Variants in EIF4G3 observed in about 807,000 individuals in gnomAD.
The protein encoded by EIF4G3 is eIF-4-gamma 3.
In EIF4G3, 34 loss-of-function variants were observed where a neutral mutation model predicts 186.4. The observed-to-expected ratio is 0.18, with a 90% CI of 0.14 to 0.24. The LOEUF (loss-of-function observed/expected upper bound fraction) is 0.24, where lower values mean the gene tolerates loss of function less well. Ranked by LOEUF, EIF4G3 falls within the 10% of genes least tolerant of loss-of-function variation. EIF4G3 has a pLI of 1.00. For synonymous variants in EIF4G3, 673 were observed against 679.5 expected, an observed-to-expected ratio of 0.99 and a Z score of 0.15; for missense variants, 1,536 against 1,948.5, an observed-to-expected ratio of 0.79 and a Z score of 3.99.
At chr1:21,025,910 A>T (rs192294643) in intron 4 of EIF4G3, among the ~76,000 whole-genome samples, 4 of 152,192 alleles carry the variant, frequency 2.6e-5, no homozygotes, top group African/African-American at 9.7e-5. Context: ...TAAAAACCCA[A>T]TAACAAAAAA....
At chr1:20,975,344 G>A (rs1379765592) in intron 10 of EIF4G3, among the ~76,000 whole-genome samples, 1 of 145,380 alleles carries the variant, frequency 6.9e-6, no homozygotes, top group African/African-American at 2.6e-5. Flanking sequence ...TGAGGTAAGT[G>A]AAATAAGATC....
intron 14 of EIF4G3, among the ~76,000 whole-genome samples, chr1:20,908,475 G>A (rs900403410): frequency 6.6e-6 from 1 of 152,074 alleles, no homozygotes; most frequent in Non-Finnish European, 1.5e-5. Flanking sequence ...ACAGTTTACT[G>A]TTCCTACAGT....
intron 4 of EIF4G3, among the ~76,000 whole-genome samples, chr1:21,043,016 C>A (rs1394612320): frequency 6.6e-6 from 1 of 152,086 alleles, no homozygotes; most frequent in African/African-American, 2.4e-5. Context: ...GTTTTTCCCC[C>A]AAATCTGTGG....
At chr1:20,985,075 C>A (rs571209003) in intron 7 of EIF4G3, among the ~76,000 whole-genome samples, 1 of 152,296 alleles carries the variant, frequency 6.6e-6, no homozygotes, top group African/African-American at 2.4e-5. Context: ...TATTACCTCT[C>A]ATGAAATGGA....
intron 30 of EIF4G3, among the ~76,000 whole-genome samples, chr1:20,834,285 T>C (rs539335347): frequency 6.6e-6 from 1 of 151,692 alleles, no homozygotes; most frequent in South Asian, 2.1e-4. Context: ...TCTGTCTCTA[T>C]AAAAAAATAA....
intron 30 of EIF4G3, among the ~76,000 whole-genome samples, chr1:20,835,373 C>T (rs1433593272): frequency 6.6e-6 from 1 of 151,790 alleles, no homozygotes; most frequent in Non-Finnish European, 1.5e-5. Context: ...AAGGAAATAA[C>T]AAACATCTAA....
At chr1:21,149,778 A>G (rs546008062) in intron 2 of EIF4G3, among the ~76,000 whole-genome samples, 2 of 152,198 alleles carry the variant, frequency 1.3e-5, no homozygotes, top group Non-Finnish European at 2.9e-5. Context: ...ACTATATGCC[A>G]CCCACTCCAT....
chr1:20,969,409 A>C, intron 12 of EIF4G3, 65 bp downstream of exon 12: 3 of 1,577,118 alleles, frequency 1.9e-6, no homozygotes, highest in Non-Finnish European at 2.6e-6. Flanking sequence ...GCTATAGAAG[A>C]AAGAAGAGTT....
rs569230794 is a variant in EIF4G3, at chr1:20,919,517, TATC to T, written c.1664-14549_1664-14547del. 1.1e-3 allele frequency among the ~76,000 whole-genome samples: 169 copies of T among 152,318 alleles called. 1 individual carries two copies. Among genetic ancestry groups the T allele is most frequent in the African/African-American group, 3.9e-3 (164 of 41,580 alleles). On this transcript the variant is annotated intron_variant, in intron 14 of 36. Transcript: ENST00000602326. ...ACCAAGCCTGACCCCATATTTTTCT[TATC>T]ATCATCAGTTTATATTGAATTTTCT...
At chr1:20,838,555 T>G (rs1422672998) in intron 30 of EIF4G3, among the ~76,000 whole-genome samples, 1 of 152,196 alleles carries the variant, frequency 6.6e-6, no homozygotes, top group Non-Finnish European at 1.5e-5. Context: ...AATTGGAGGC[T>G]TCTCTTTTAA....
chr1:21,165,757 T>G (rs2097845694), intron 2 of EIF4G3, among the ~76,000 whole-genome samples: 1 of 152,154 alleles, frequency 6.6e-6, no homozygotes, highest in Non-Finnish European at 1.5e-5. Flanking sequence ...TGGTAGTAGT[T>G]GTACAATTCT....
At chr1:20,984,546 A>T (rs1558567851) in intron 7 of EIF4G3, among the ~76,000 whole-genome samples, 1 of 93,780 alleles carries the variant, frequency 1.1e-5, no homozygotes, top group Non-Finnish European at 2.3e-5. Context: ...CCTAAGCATT[A>T]TATATATATA....
At chr1:20,874,307 A>G (rs1274424663) in intron 20 of EIF4G3, among the ~76,000 whole-genome samples, 1 of 152,216 alleles carries the variant, frequency 6.6e-6, no homozygotes, top group African/African-American at 2.4e-5. Context: ...GTGTAAAAGC[A>G]TTCTGTTTCT....
chr1:21,016,060 T>C (rs2088917653), intron 4 of EIF4G3, among the ~76,000 whole-genome samples: 1 of 152,196 alleles, frequency 6.6e-6, no homozygotes. Context: ...CCAGTTTTTA[T>C]TCTTTTACAG....
rs1435615014 is a variant in EIF4G3 at position 20,810,286 on chromosome 1, C to T, written c.4744+452G>A. 1.3e-5 allele frequency among the ~76,000 whole-genome samples: 2 copies of T among 152,100 alleles called. No individual in the cohort carries two copies. The highest frequency in any genetic ancestry group is 2.9e-5 in the Non-Finnish European group (2 of 68,022). Reference sequence around the variant, plus strand: ...TCTCCTGCCTCAGCCTCCCAAGTAGCTGGGATTACAGGTGCCCGCCACCAC... The same window carrying T: ...TCTCCTGCCTCAGCCTCCCAAGTAGTTGGGATTACAGGTGCCCGCCACCAC... On this transcript the variant is annotated intron_variant, in intron 36 of 36. Coordinates refer to ENST00000602326, the MANE Select transcript of EIF4G3 (RefSeq NM_001391906.1). The surrounding 1 kb of genome is among the most constrained non-coding windows in gnomAD (Gnocchi z 4.1).
chr1:20,977,921 G>A (rs2154566306), intron 10 of EIF4G3, among the ~76,000 whole-genome samples: 1 of 152,238 alleles, frequency 6.6e-6, no homozygotes, highest in East Asian at 1.9e-4. Context: ...GACATTTTCT[G>A]AGTAAAGTGA....
At chr1:20,868,906 T>C (rs1256456117) in intron 20 of EIF4G3, among the ~76,000 whole-genome samples, 1 of 152,206 alleles carries the variant, frequency 6.6e-6, no homozygotes, top group African/African-American at 2.4e-5. Context: ...CTCAGCAATC[T>C]TAGATATGAA....
chr1:21,126,771 CTG>C (rs1486605585), intron 2 of EIF4G3, among the ~76,000 whole-genome samples: 3 of 152,044 alleles, frequency 2.0e-5, no homozygotes, highest in Non-Finnish European at 2.9e-5. Context: ...AGTTGTCCCT[CTG>C]TATCCACAGG....
At chr1:21,052,730 G>A (rs992839579) in intron 3 of EIF4G3, among the ~76,000 whole-genome samples, 74 of 151,702 alleles carry the variant, frequency 4.9e-4, no homozygotes, top group African/African-American at 1.6e-3. Flanking sequence ...GCAGGCGCGC[G>A]CCGCCACGCC....
Sources: gnomAD v4.1 joint callset for allele counts (sites outside exome capture counted in the v4.1 genomes callset) on GRCh38, gnomAD v4.1.1 for gene constraint, Gnocchi (gnomAD v3.1) non-coding constraint, MANE v1.5 for transcripts, NCBI Gene and HGNC (gene_info 2026-07-23, HGNC 2026-07-21) for gene names.